ARHGEF9: variants seen among roughly 807,000 people sequenced by gnomAD.
ARHGEF9 encodes the protein rho guanine nucleotide exchange factor 9.
Under a neutral mutation model 41.3 loss-of-function variants are expected in ARHGEF9, and 2 were observed. The ratio of observed to expected loss-of-function variants is 0.05; its 90% CI spans 0.02 to 0.15. The LOEUF (loss-of-function observed/expected upper bound fraction) is 0.15. Among genes scored for constraint, ARHGEF9 ranks in the 10% least tolerant of loss-of-function variants. The probability of loss-of-function intolerance (pLI) is 1.00; values close to 1 mark genes in which losing one functional copy is unlikely to be tolerated. For missense variants in ARHGEF9, 225 were observed against 424.7 expected, an observed-to-expected ratio of 0.53 and a Z score of 4.13; for synonymous variants, 160 against 154.4, an observed-to-expected ratio of 1.04 and a Z score of -0.27.
rs2056359839 is a variant in ARHGEF9, at chrX:63,780,304, G to C, written c.30+4812C>G. On this transcript the variant is annotated intron_variant, in intron 1 of 9. Coordinates refer to ENST00000671741, the MANE Select transcript of ARHGEF9 (RefSeq NM_001353921.2). ...CTTCTGTTATTCATAGCTGAATAAA[G>C]TAAAATCAGCTGTTAAACCTTGCAG... 2.7e-5 allele frequency among the ~76,000 whole-genome samples: 3 copies of C among 111,536 alleles called. No individual in the cohort carries two copies. In the South Asian group the frequency reaches 1.1e-3, roughly 42 times the overall value.
At chrX:63,730,357 T>C (rs1256561390) in intron 1 of ARHGEF9, among the ~76,000 whole-genome samples, 5 of 112,153 alleles carry the variant, frequency 4.5e-5, no homozygotes, top group Non-Finnish European at 7.5e-5. Context: ...TAACCCACAG[T>C]TACCCAGTTA....
Position 63,638,216 on chromosome X carries a change from T to C in ARHGEF9, c.1391-7A>G, listed in dbSNP as rs1602145711. 2 of 1,170,099 alleles carry C rather than the reference T, an allele frequency of 1.7e-6. No homozygotes were observed. The highest frequency in any genetic ancestry group is 1.1e-6 in the Non-Finnish European group (1 of 873,940). ...GAGCGGGCAGAGTTGACACCTAGAG[T>C]AGATGAGAGATCAAAGGGAAAGGGT... is the stretch of plus-strand genomic sequence containing the variant. On this transcript the variant is annotated splice_polypyrimidine_tract_variant and splice_region_variant and intron_variant, in intron 9 of 9. Coordinates refer to ENST00000671741, the MANE Select transcript of ARHGEF9 (RefSeq NM_001353921.2).
At chrX:63,643,269 G>C (rs2047758360) in intron 9 of ARHGEF9, among the ~76,000 whole-genome samples, 1 of 111,625 alleles carries the variant, frequency 9.0e-6, no homozygotes. Context: ...TTTTGTCTTG[G>C]CTTAGTTTGA....
At chrX:63,766,460 T>C (rs2056115173) in intron 1 of ARHGEF9, among the ~76,000 whole-genome samples, 1 of 112,108 alleles carries the variant, frequency 8.9e-6, no homozygotes, top group South Asian at 3.8e-4. Flanking sequence ...TTGCTACCAA[T>C]GCCTCTGTCC....
intron 4 of ARHGEF9, among the ~76,000 whole-genome samples, chrX:63,696,058 T>G (rs1476062128): frequency 9.0e-6 from 1 of 111,572 alleles, no homozygotes; most frequent in Non-Finnish European, 1.9e-5. Flanking sequence ...ATCATTTTGC[T>G]ATAATAAATC....
chrX:63,703,995 A>C (rs2052366156), intron 3 of ARHGEF9, among the ~76,000 whole-genome samples: 1 of 111,624 alleles, frequency 9.0e-6, no homozygotes, highest in Non-Finnish European at 1.9e-5. Flanking sequence ...TGGAGTAGTA[A>C]CGAAAGCATA....
chrX:63,778,132 C>T (rs149214786), intron 1 of ARHGEF9, among the ~76,000 whole-genome samples: 11 of 112,764 alleles, frequency 9.8e-5, no homozygotes, highest in Non-Finnish European at 1.5e-4. Flanking sequence ...CCTGGACATC[C>T]AGGCATTTCC....
At position 63,636,701 on chromosome X, in the gene ARHGEF9, G is replaced by A; in HGVS notation, c.*1327C>T. Reference sequence around the variant, plus strand: ...TTGTCCATGCAATCTGTTAACAATGGGAGAAGTCTCACACAATTTTAGGGT... The same window carrying A: ...TTGTCCATGCAATCTGTTAACAATGAGAGAAGTCTCACACAATTTTAGGGT... On this transcript the variant is annotated 3_prime_UTR_variant, in exon 10 of 10. Transcript: ENST00000671741. 1 of 291,575 alleles carries A rather than the reference G, an allele frequency of 3.4e-6. No homozygotes were observed. The highest frequency in any genetic ancestry group is 6.0e-6 in the Non-Finnish European group (1 of 166,874). The allele number at this position is 291,575 out of a possible 1,213,427, so 24.0% of individuals were successfully genotyped here. A position where few individuals can be genotyped will look rare whatever the true frequency, so the allele number is the denominator to read the frequency against.
intron 1 of ARHGEF9, among the ~76,000 whole-genome samples, chrX:63,729,740 G>A (rs1380796237): frequency 2.7e-5 from 3 of 111,461 alleles, no homozygotes; most frequent in Non-Finnish European, 3.8e-5. Flanking sequence ...CAATCCCCAG[G>A]ACATTTCAGA....
intron 4 of ARHGEF9, among the ~76,000 whole-genome samples, chrX:63,679,682 TAGAA>T (rs1785155000): frequency 9.0e-6 from 1 of 111,126 alleles, no homozygotes; most frequent in Admixed American, 9.5e-5. Flanking sequence ...AAACTAGAAA[TAGAA>T]AGACACTACC....
chrX:63,721,713 G>A (rs1302403229), intron 2 of ARHGEF9, among the ~76,000 whole-genome samples: 2 of 110,740 alleles, frequency 1.8e-5, no homozygotes, highest in African/African-American at 6.6e-5. Flanking sequence ...CTCCTAGCAG[G>A]GAAACCAGCC....
chrX:63,690,686 G>C (rs1179582301), intron 4 of ARHGEF9, among the ~76,000 whole-genome samples: 18 of 111,417 alleles, frequency 1.6e-4, no homozygotes, highest in Non-Finnish European at 9.4e-5. Flanking sequence ...ATCAAAAAAA[G>C]AAAACTACAG....
chrX:63,753,349 A>C (rs139939545), intron 1 of ARHGEF9, among the ~76,000 whole-genome samples: 1 of 111,783 alleles, frequency 8.9e-6, no homozygotes, highest in Non-Finnish European at 1.9e-5. Flanking sequence ...GAATGTTTCA[A>C]TTACAGAGAC....
At chrX:63,773,617 A>C (rs1173264870) in intron 1 of ARHGEF9, among the ~76,000 whole-genome samples, 11 of 112,136 alleles carry the variant, frequency 9.8e-5, no homozygotes, top group Admixed American at 6.6e-4. Flanking sequence ...ACTGAGCCAC[A>C]GGGTGCCCAG....
At chrX:63,649,049 A>G (rs1212114685) in intron 8 of ARHGEF9, among the ~76,000 whole-genome samples, 1 of 110,949 alleles carries the variant, frequency 9.0e-6, no homozygotes, top group Non-Finnish European at 1.9e-5. Flanking sequence ...CAACGAGACA[A>G]AAAGTTAACA....
intron 2 of ARHGEF9, among the ~76,000 whole-genome samples, chrX:63,721,653 T>G (rs1489086292): frequency 9.9e-5 from 11 of 110,709 alleles, no homozygotes; most frequent in African/African-American, 3.6e-4. Context: ...ACCACAGAGG[T>G]GGGATTTGCT....
At chrX:63,707,384 A>T (rs1244703055) in intron 2 of ARHGEF9, 1 of 105,440 alleles carries the variant, frequency 9.5e-6, no homozygotes, top group South Asian at 4.3e-4. Context: ...AAAAAAAAAA[A>T]CCTTTGGGAC....
At chrX:63,647,102 G>T (rs1408370504) in intron 8 of ARHGEF9, among the ~76,000 whole-genome samples, 6 of 111,957 alleles carry the variant, frequency 5.4e-5, no homozygotes, top group African/African-American at 1.9e-4. Context: ...CTTTGCTGAA[G>T]TTGCTTATCA....
At chrX:63,777,864 C>T (rs1196502087) in intron 1 of ARHGEF9, among the ~76,000 whole-genome samples, 1 of 112,897 alleles carries the variant, frequency 8.9e-6, no homozygotes, top group Non-Finnish European at 1.9e-5. Context: ...AACTCTGCCC[C>T]TCTGGCTTTG....
Sources: allele counts gnomAD v4.1 joint callset (sites outside exome capture counted in the v4.1 genomes callset), GRCh38; gene constraint gnomAD v4.1.1; transcripts MANE v1.5; gene names NCBI Gene and HGNC (gene_info 2026-07-23, HGNC 2026-07-21).